CPNE4: variants seen among roughly 807,000 people sequenced by gnomAD.
CPNE4 encodes copine 4, also known as copine-4.
Under a neutral mutation model 67.9 loss-of-function variants are expected in CPNE4, and 25 were observed. The observed-to-expected ratio is 0.37, with a 90% CI of 0.27 to 0.51. The LOEUF (loss-of-function observed/expected upper bound fraction) is 0.51. Among genes scored for constraint, CPNE4 ranks in the 20% least tolerant of loss-of-function variants. The pLI is 0.93. For synonymous variants in CPNE4, 242 were observed against 244.9 expected (o/e 0.99, Z 0.11); for missense variants, 464 against 690.8 (o/e 0.67, Z 3.68).
upstream of CPNE4, among the ~76,000 whole-genome samples, chr3:132,036,743 C>A (rs551303968): frequency 1.9e-4 from 29 of 152,092 alleles, no homozygotes; most frequent in African/African-American, 7.0e-4. Flanking sequence ...TAATTATAAC[C>A]CCAATGCCTA....
chr3:131,792,672 C>CACACGTGTGTATATATGT lies in CPNE4; in HGVS notation c.181-69048_181-69047insACATATATACACACGTGT, dbSNP rs1560322350. ...GTATATATACACACGTGTATATATA[C>CACACGTGTGTATATATGT]ATATATACACACGTGTATATATACA... On this transcript the variant is annotated intron_variant, in intron 2 of 15. Transcript: ENST00000429747. 5.6e-3 allele frequency among the ~76,000 whole-genome samples: 185 copies of CACACGTGTGTATATATGT among 32,822 alleles called. 7 individuals are homozygous for CACACGTGTGTATATATGT. Among genetic ancestry groups the CACACGTGTGTATATATGT allele is most frequent in the African/African-American group, 0.015 (151 of 10,050 alleles). 21.5% of individuals were successfully genotyped at this position (32,822 alleles called of 152,430 possible). A position where few individuals can be genotyped will look rare whatever the true frequency, so the allele number is the denominator to read the frequency against.
At chr3:131,825,247 T>C (rs111799240) in intron 2 of CPNE4, among the ~76,000 whole-genome samples, 4,792 of 152,154 alleles carry the variant, frequency 0.031, 179 homozygotes, top group South Asian at 0.094. Flanking sequence ...CCTGTAATCC[T>C]AGCACTTTGT....
intron 1 of CPNE4, among the ~76,000 whole-genome samples, chr3:132,022,935 G>C (rs541794108): frequency 6.6e-6 from 1 of 152,236 alleles, no homozygotes; most frequent in South Asian, 2.1e-4. Context: ...ATTGATCACC[G>C]ATTGAGAACC....
chr3:131,612,256 C>T (rs567281726), intron 7 of CPNE4, among the ~76,000 whole-genome samples: 4 of 152,186 alleles, frequency 2.6e-5, no homozygotes, highest in African/African-American at 7.2e-5. Flanking sequence ...CACCTGTAAT[C>T]CCAGCTACTC....
At chr3:131,637,270 G>A (rs1336404558) in intron 7 of CPNE4, among the ~76,000 whole-genome samples, 2 of 151,964 alleles carry the variant, frequency 1.3e-5, no homozygotes, top group South Asian at 2.1e-4. Context: ...AGGTAAAGTC[G>A]AACTTAAAGA....
At chr3:131,676,765 C>A (rs543531844) in intron 6 of CPNE4, among the ~76,000 whole-genome samples, 24 of 152,226 alleles carry the variant, frequency 1.6e-4, no homozygotes, top group Non-Finnish European at 3.2e-4. Flanking sequence ...ACCACATTTT[C>A]TTTATCCAGT....
chr3:131,657,582 TG>T (rs2080006990), intron 7 of CPNE4, among the ~76,000 whole-genome samples: 5 of 145,238 alleles, frequency 3.4e-5, no homozygotes, highest in African/African-American at 1.3e-4. Flanking sequence ...GTCGCCAGGC[TG>T]GAGAGCAGTG....
chr3:131,631,904 CT>C (rs918974093), intron 7 of CPNE4, among the ~76,000 whole-genome samples: 20 of 146,122 alleles, frequency 1.4e-4, no homozygotes, highest in Admixed American at 6.7e-4. Flanking sequence ...TTTCTTTTTT[CT>C]TTTTTTTTGA....
chr3:131,602,878 T>C (rs1410953623), intron 7 of CPNE4, among the ~76,000 whole-genome samples: 1 of 152,186 alleles, frequency 6.6e-6, no homozygotes, highest in Admixed American at 6.5e-5. Flanking sequence ...AACTTTATTA[T>C]GTGAATTGCA....
intron 6 of CPNE4, among the ~76,000 whole-genome samples, chr3:131,670,551 T>G (rs2080383907): frequency 6.6e-6 from 1 of 152,158 alleles, no homozygotes; most frequent in Admixed American, 6.5e-5. Flanking sequence ...CATTGTACTG[T>G]GTACTTGAGG....
At chr3:131,648,366 C>T (rs1052322842) in intron 7 of CPNE4, among the ~76,000 whole-genome samples, 7 of 152,228 alleles carry the variant, frequency 4.6e-5, no homozygotes, top group African/African-American at 1.4e-4. Flanking sequence ...GAGCAAGACC[C>T]TGTCTCAAAA....
Position 131,875,270 on chromosome 3 carries a change from A to T in CPNE4, c.180+29994T>A, listed in dbSNP as rs190826304. On this transcript the variant is annotated intron_variant, in intron 2 of 15. Coordinates refer to ENST00000429747, the MANE Select transcript of CPNE4 (RefSeq NM_130808.3). ...AACCATTGTGGAAGTCAGTGTGGCG[A>T]TTCCTCAGGGATCTAGAACTAGAAA... Among the ~76,000 whole-genome samples, 19 of 152,320 alleles carry T rather than the reference A, an allele frequency of 1.2e-4. No homozygotes were observed. The East Asian group carries it at 3.1e-3, about 25-fold the overall frequency.
chr3:131,770,742 C>A (rs1433056506), intron 2 of CPNE4, among the ~76,000 whole-genome samples: 1 of 152,196 alleles, frequency 6.6e-6, no homozygotes, highest in African/African-American at 2.4e-5. Context: ...CACCTAAGGT[C>A]CAGTTTATAC....
Position 131,621,883 on chromosome 3 carries a change from A to C in CPNE4, c.682-34301T>G, listed in dbSNP as rs1360726901. The stretch of plus-strand genomic sequence containing the variant: ...AAAAAATGAGCTGGGCATGGTGGTG[A>C]ATGCCTGTAGTTCCAGCTACTCAGG... On this transcript the variant is annotated intron_variant, in intron 7 of 15. Transcript: ENST00000429747. Among the ~76,000 whole-genome samples, 3 of 151,464 alleles carry C rather than the reference A, an allele frequency of 2.0e-5. No homozygotes were observed. In the East Asian group the frequency reaches 5.8e-4, roughly 29 times the overall value.
intron 1 of CPNE4, among the ~76,000 whole-genome samples, chr3:132,033,597 C>T (rs1055205374): frequency 2.0e-5 from 3 of 152,204 alleles, no homozygotes; most frequent in African/African-American, 7.2e-5. Context: ...CCGCCTGTGA[C>T]TTTCCCTGGA....
intron 7 of CPNE4, among the ~76,000 whole-genome samples, chr3:131,595,336 A>G (rs1470064552): frequency 6.6e-6 from 1 of 152,234 alleles, no homozygotes; most frequent in Non-Finnish European, 1.5e-5. Context: ...TGATGAATGA[A>G]TGGATAAAGA....
chr3:131,814,035 T>C (rs1001581456), intron 2 of CPNE4, among the ~76,000 whole-genome samples: 10 of 152,196 alleles, frequency 6.6e-5, no homozygotes, highest in Non-Finnish European at 1.2e-4. Flanking sequence ...TAGGATCCAG[T>C]AGAGATTTGC....
intron 2 of CPNE4, among the ~76,000 whole-genome samples, chr3:131,861,865 C>T (rs2086703318): frequency 6.6e-6 from 1 of 152,016 alleles, no homozygotes; most frequent in East Asian, 1.9e-4. Context: ...AAGCTTTGGC[C>T]AGAAAATGCA....
intron 1 of CPNE4, among the ~76,000 whole-genome samples, chr3:131,930,631 G>A (rs576485980): frequency 5.0e-4 from 76 of 152,162 alleles, no homozygotes; most frequent in African/African-American, 6.3e-4. Context: ...CCTATTAAGC[G>A]CTTAGTACAG....
Sources: gnomAD v4.1 joint callset for allele counts (sites outside exome capture counted in the v4.1 genomes callset) on GRCh38, gnomAD v4.1.1 for gene constraint, MANE v1.5 for transcripts, NCBI Gene and HGNC (gene_info 2026-07-23, HGNC 2026-07-21) for gene names.